Variants in PRKCQ observed in about 807,000 individuals in gnomAD.
The protein encoded by PRKCQ is protein kinase C theta type.
A neutral mutation model predicts 91.2 loss-of-function variants in PRKCQ; 41 were observed. The ratio of observed to expected loss-of-function variants is 0.45; its 90% CI spans 0.35 to 0.58. The LOEUF (loss-of-function observed/expected upper bound fraction) is 0.58, where lower values mean the gene tolerates loss of function less well. Among genes scored for constraint, PRKCQ ranks in the 20% least tolerant of loss-of-function variants. The probability of loss-of-function intolerance (pLI) is 0.00; values close to 1 mark genes in which losing one functional copy is unlikely to be tolerated. For synonymous variants in PRKCQ, 307 were observed against 316.9 expected (o/e 0.97, Z 0.33); for missense variants, 673 against 896.5 (o/e 0.75, Z 3.18).
chr10:6,530,422 A>C (rs1839350317), intron 1 of PRKCQ, among the ~76,000 whole-genome samples: 1 of 152,234 alleles, frequency 6.6e-6, no homozygotes, highest in African/African-American at 2.4e-5. Context: ...TGGTAGTATC[A>C]ATACAGCAAG....
chr10:6,461,129 ACATCCATCCATT>A (rs1232257289), intron 14 of PRKCQ, among the ~76,000 whole-genome samples: 4 of 147,942 alleles, frequency 2.7e-5, no homozygotes, highest in South Asian at 2.1e-4. Flanking sequence ...CCATCCATCC[ACATCCATCCATT>A]CATCCATCCA....
intron 15 of PRKCQ, among the ~76,000 whole-genome samples, chr10:6,454,778 A>C (rs1367065532): frequency 6.6e-6 from 1 of 152,158 alleles, no homozygotes; most frequent in Non-Finnish European, 1.5e-5. Flanking sequence ...CTCTACAGCG[A>C]AGACCACAGT....
Position 6,498,470 on chromosome 10 carries a change from G to C in PRKCQ, c.468C>G (p.His156Gln), listed in dbSNP as rs764743021. 2 of 1,614,088 alleles carry C rather than the reference G, an allele frequency of 1.2e-6. No homozygotes were observed. Among genetic ancestry groups the C allele is most frequent in the Non-Finnish European group, 1.7e-6 (2 of 1,180,038 alleles). ...TGGCAGTGAACTCGTGGCACTTGAC[G>C]TGGTGGACCTTTGCCTGCTTGATGG... is the stretch of plus-strand genomic sequence containing the variant. ...RGAIKQAKVH[H>Q]VKCHEFTATF... Residue 156 changes from histidine to glutamine, a missense_variant, in exon 5 of 18, where the codon CAC becomes CAG. Coordinates refer to ENST00000263125, the MANE Select transcript of PRKCQ (RefSeq NM_006257.5).
intron 11 of PRKCQ, 59 bp downstream of exon 11, chr10:6,483,381 G>A: frequency 1.9e-6 from 3 of 1,601,378 alleles, no homozygotes; most frequent in Non-Finnish European, 2.6e-6. Flanking sequence ...CTTTGACCAG[G>A]AACTTGGCTC....
intron 1 of PRKCQ, among the ~76,000 whole-genome samples, chr10:6,527,145 G>C (rs1170870848): frequency 1.3e-5 from 2 of 152,160 alleles, no homozygotes; most frequent in South Asian, 4.1e-4. Context: ...TTTTGGACAC[G>C]TTAACTTTGA....
chr10:6,453,035 A>G (rs1451153222), intron 15 of PRKCQ, among the ~76,000 whole-genome samples: 5 of 151,792 alleles, frequency 3.3e-5, no homozygotes, highest in Admixed American at 6.6e-5. Context: ...TGTCTAAAAT[A>G]CCAAAAGCAA....
chr10:6,464,163 A>G (rs1835506495), intron 13 of PRKCQ, 150 bp downstream of exon 13: 1 of 735,748 alleles, frequency 1.4e-6, no homozygotes, highest in South Asian at 1.6e-5. Context: ...CAGTTTCACA[A>G]CCTGGGAAAA....
chr10:6,461,516 G>C (rs1835350431), intron 14 of PRKCQ, among the ~76,000 whole-genome samples: 1 of 152,060 alleles, frequency 6.6e-6, no homozygotes, highest in South Asian at 2.1e-4. Flanking sequence ...ATTCAAAGAG[G>C]CTGCTTAAGA....
chr10:6,526,108 T>G (rs56023494), intron 1 of PRKCQ, among the ~76,000 whole-genome samples: 1 of 152,246 alleles, frequency 6.6e-6, no homozygotes, highest in African/African-American at 2.4e-5. Flanking sequence ...CTTCTATATG[T>G]GTTTATTTTC....
Position 6,430,420 on chromosome 10 carries a change from C to T in PRKCQ, c.1965+390G>A, listed in dbSNP as rs1395121084. Among the ~76,000 whole-genome samples the T allele has an allele frequency of 1.3e-5, 2 of 152,172 alleles. No homozygotes were observed. The highest frequency in any genetic ancestry group is 6.5e-5 in the Admixed American group (1 of 15,280). On this transcript the variant is annotated intron_variant, in intron 17 of 17. Coordinates refer to ENST00000263125, the MANE Select transcript of PRKCQ (RefSeq NM_006257.5). This position sits in a 1 kb window ranked among gnomAD's most constrained non-coding sequence, Gnocchi z 4.7. ...TCATGGAAAAAACAGCTCCAAAATT[C>T]CTGACGTAGGATGCAGGGTTTATGT...
chr10:6,404,680 TCTTC>T, the PRKCQ span, among the ~76,000 whole-genome samples: 1 of 148,920 alleles, frequency 6.7e-6, no homozygotes, highest in South Asian at 2.1e-4. Flanking sequence ...CTCTTTCCTT[TCTTC>T]CTTCCTTTCT....
At chr10:6,544,886 C>G (rs774151314) in intron 1 of PRKCQ, among the ~76,000 whole-genome samples, 8 of 152,166 alleles carry the variant, frequency 5.3e-5, no homozygotes, top group Non-Finnish European at 1.0e-4. Flanking sequence ...TCCCAAAGTG[C>G]TGGGATTACA....
chr10:6,446,918 A>C (rs1316034487), intron 15 of PRKCQ, among the ~76,000 whole-genome samples: 1 of 152,194 alleles, frequency 6.6e-6, no homozygotes, highest in Non-Finnish European at 1.5e-5. Context: ...CAGCCTCAGA[A>C]GCTGGGAAGT....
intron 15 of PRKCQ, among the ~76,000 whole-genome samples, chr10:6,444,733 G>A (rs1013574053): frequency 3.9e-5 from 6 of 151,984 alleles, no homozygotes; most frequent in Admixed American, 3.3e-4. Context: ...CACGCACGCA[G>A]AAGGTATTTT....
chr10:6,564,665 C>T (rs746770748), intron 1 of PRKCQ, among the ~76,000 whole-genome samples: 2 of 152,118 alleles, frequency 1.3e-5, no homozygotes, highest in African/African-American at 4.8e-5. Context: ...AAGACCAAAA[C>T]CGCCAAGCCA....
chr10:6,521,386 CTTG>C (rs1487518773), intron 1 of PRKCQ, among the ~76,000 whole-genome samples: 1 of 152,190 alleles, frequency 6.6e-6, no homozygotes, highest in Non-Finnish European at 1.5e-5. Context: ...CAGCCCAGCA[CTTG>C]TTGTAAACAA....
intron 1 of PRKCQ, among the ~76,000 whole-genome samples, chr10:6,574,792 G>A (rs1472270193): frequency 2.6e-5 from 4 of 152,080 alleles, no homozygotes; most frequent in African/African-American, 9.7e-5. Context: ...GACTGCACTG[G>A]GATTCCAGAC....
chr10:6,543,528 G>C (rs916190897), intron 1 of PRKCQ, among the ~76,000 whole-genome samples: 3 of 152,214 alleles, frequency 2.0e-5, no homozygotes, highest in Non-Finnish European at 4.4e-5. Context: ...TCATTCTAAA[G>C]CCAGCAGCAG....
intron 1 of PRKCQ, among the ~76,000 whole-genome samples, chr10:6,569,622 T>G (rs552826123): frequency 6.6e-6 from 1 of 152,064 alleles, no homozygotes; most frequent in African/African-American, 2.4e-5. Flanking sequence ...GTGCTGCCTG[T>G]AATTAGAGCA....
Sources: allele counts gnomAD v4.1 joint callset (sites outside exome capture counted in the v4.1 genomes callset), GRCh38; gene constraint gnomAD v4.1.1; non-coding constraint Gnocchi (gnomAD v3.1); transcripts MANE v1.5; gene names NCBI Gene and HGNC (gene_info 2026-07-23, HGNC 2026-07-21).